The following CCDC91 variants were observed in gnomAD, a reference collection of about 807,000 sequenced individuals.
CCDC91 encodes coiled-coil domain containing 91.
Under a neutral mutation model 63.2 loss-of-function variants are expected in CCDC91, and 48 were observed. That is an observed-to-expected ratio of 0.76 (90% CI 0.60 to 0.97). The LOEUF is 0.97. Among genes scored for constraint, CCDC91 ranks in the 50% least tolerant of loss-of-function variants. The pLI, the probability that CCDC91 is intolerant of heterozygous loss-of-function variation, is 0.00. For synonymous variants in CCDC91, 167 were observed against 165.8 expected, an observed-to-expected ratio of 1.01 and a Z score of -0.06; for missense variants, 500 against 494.6, an observed-to-expected ratio of 1.01 and a Z score of -0.10.
intron 3 of CCDC91, among the ~76,000 whole-genome samples, chr12:28,281,643 T>A (rs1948614884): frequency 1.3e-5 from 2 of 152,220 alleles, no homozygotes; most frequent in Admixed American, 6.5e-5. Flanking sequence ...TATGTTTCTC[T>A]GAATCTATTT....
At position 28,267,837 on chromosome 12, in the gene CCDC91, A is replaced by AC. The variant is rs1565700114; in HGVS notation, c.109+8395_109+8396insC. ...ATAATTATATTATTAATATATAATT[A>AC]TATATAATTATATAGTAATATATAA... On this transcript the variant is annotated intron_variant, in intron 3 of 12. Transcript: ENST00000536442. 9.3e-4 allele frequency among the ~76,000 whole-genome samples: 17 copies of AC among 18,374 alleles called. 1 individual carries two copies. Among genetic ancestry groups the AC allele is most frequent in the African/African-American group, 2.2e-3 (16 of 7,312 alleles). The allele number at this position is 18,374 out of a possible 152,430, so 12.1% of individuals were successfully genotyped here. A position where few individuals can be genotyped will look rare whatever the true frequency, so the allele number is the denominator to read the frequency against.
intron 8 of CCDC91, among the ~76,000 whole-genome samples, chr12:28,406,591 A>C (rs1946960810): frequency 6.6e-6 from 1 of 151,950 alleles, no homozygotes; most frequent in Non-Finnish European, 1.5e-5. Flanking sequence ...TATTTTCCTG[A>C]TATGTTTCTA....
chr12:28,402,763 A>C (rs559618055), intron 8 of CCDC91, among the ~76,000 whole-genome samples: 1 of 152,260 alleles, frequency 6.6e-6, no homozygotes, highest in South Asian at 2.1e-4. Flanking sequence ...ACCATTAAAT[A>C]TGATCTTGGC....
At chr12:28,433,815 A>G (rs756859828) in intron 8 of CCDC91, among the ~76,000 whole-genome samples, 16 of 151,958 alleles carry the variant, frequency 1.1e-4, no homozygotes, top group Non-Finnish European at 1.9e-4. Context: ...TCTTGACAAT[A>G]TTGGATCTTC....
In CCDC91 at chr12:28,362,674, T is replaced by G. The variant is rs76175067; in HGVS notation, c.654+159T>G. On this transcript the variant is annotated intron_variant, in intron 7 of 12. Coordinates refer to ENST00000536442, the MANE Select transcript of CCDC91 (RefSeq NM_018318.5). ...CAACAAATATCCATTGAAAGCATAC[T>G]CAGTGGATTACAAAGGTAATATTAG... 6.0e-3 allele frequency among the ~76,000 whole-genome samples: 914 copies of G among 152,326 alleles called. 10 individuals carry two copies. Among genetic ancestry groups the G allele is most frequent in the African/African-American group, 0.021 (878 of 41,582 alleles).
chr12:28,531,596 G>C (rs1158303609), intron 12 of CCDC91, among the ~76,000 whole-genome samples: 1 of 152,064 alleles, frequency 6.6e-6, no homozygotes, highest in African/African-American at 2.4e-5. Context: ...GCAGTTTCTT[G>C]TAATTGTTTT....
chr12:28,255,845 G>C (rs1206491285), intron 1 of CCDC91: 1 of 151,632 alleles, frequency 6.6e-6, no homozygotes, highest in Admixed American at 6.6e-5. Flanking sequence ...TTTTTTCTTT[G>C]ACAATTTTTT....
chr12:28,218,624 C>T (rs1943722703), intron 1 of CCDC91, among the ~76,000 whole-genome samples: 1 of 151,994 alleles, frequency 6.6e-6, no homozygotes. Flanking sequence ...TGGTCCCTGG[C>T]AACCACTGAT....
rs1481040250 is a variant in CCDC91 at position 28,304,608 on chromosome 12, A to G, written c.110-1041A>G. 2.5e-6 allele frequency: 3 copies of G among 1,187,626 alleles called. No individual in the cohort carries two copies. The African/African-American group carries it at 4.7e-5, about 19-fold the overall frequency. The allele number at this position is 1,187,626 out of a possible 1,614,324, so 73.6% of individuals were successfully genotyped here. A position where few individuals can be genotyped will look rare whatever the true frequency, so the allele number is the denominator to read the frequency against. ...TATTTTGTTTATATCTAATGGCCTT[A>G]TAAATGTCTTTCTTCAGGGAAACAT... On this transcript the variant is annotated intron_variant, in intron 3 of 12. Transcript: ENST00000536442.
intron 6 of CCDC91, among the ~76,000 whole-genome samples, chr12:28,354,978 G>A (rs1943427079): frequency 1.3e-5 from 2 of 152,020 alleles, no homozygotes; most frequent in Non-Finnish European, 2.9e-5. Context: ...TGCAAACTTT[G>A]CTCTTCCCTT....
At chr12:28,534,776 A>C (rs1040188917) in intron 12 of CCDC91, among the ~76,000 whole-genome samples, 1 of 152,156 alleles carries the variant, frequency 6.6e-6, no homozygotes, top group Non-Finnish European at 1.5e-5. Flanking sequence ...ATTTGAGAAA[A>C]ACTACTGCAG....
At chr12:28,416,249 C>T (rs1453420081) in intron 8 of CCDC91, among the ~76,000 whole-genome samples, 1 of 152,102 alleles carries the variant, frequency 6.6e-6, no homozygotes, top group African/African-American at 2.4e-5. Flanking sequence ...TGTTGCTGCA[C>T]TAGCTTAGCA....
intron 3 of CCDC91, among the ~76,000 whole-genome samples, chr12:28,270,003 T>A (rs569708716): frequency 4.6e-5 from 7 of 152,180 alleles, no homozygotes; most frequent in African/African-American, 1.7e-4. Flanking sequence ...AAAGCATTGC[T>A]GAGGTGATAA....
chr12:28,508,756 G>A (rs10843192), intron 12 of CCDC91, among the ~76,000 whole-genome samples: 49,223 of 151,618 alleles, frequency 0.32, 8,576 homozygotes, highest in African/African-American at 0.41. Flanking sequence ...AGTTTGCAAG[G>A]GTGAGAAGCA....
intron 6 of CCDC91, among the ~76,000 whole-genome samples, chr12:28,338,853 T>C (rs1942203330): frequency 6.6e-6 from 1 of 152,104 alleles, no homozygotes; most frequent in Non-Finnish European, 1.5e-5. Flanking sequence ...TTTCTTTCTT[T>C]TTTTTGAGAC....
intron 12 of CCDC91, among the ~76,000 whole-genome samples, chr12:28,502,410 G>C (rs61922541): frequency 0.21 from 31,130 of 150,752 alleles, 4,242 homozygotes; most frequent in Non-Finnish European, 0.31. Flanking sequence ...GAACTACAAA[G>C]CACTGCTCAA....
At chr12:28,396,062 G>A (rs1409684693) in intron 8 of CCDC91, among the ~76,000 whole-genome samples, 1 of 152,034 alleles carries the variant, frequency 6.6e-6, no homozygotes, top group Non-Finnish European at 1.5e-5. Context: ...AAGTTAGGAT[G>A]GAATAAATAG....
chr12:28,256,744 C>T (rs1321016784), intron 1 of CCDC91: 1 of 153,710 alleles, frequency 6.5e-6, no homozygotes, highest in African/African-American at 2.4e-5. Context: ...AAATGCTGAT[C>T]AATTTTGAAA....
At chr12:28,409,471 G>T (rs1565928096) in intron 8 of CCDC91, among the ~76,000 whole-genome samples, 1 of 151,948 alleles carries the variant, frequency 6.6e-6, no homozygotes, top group Admixed American at 6.6e-5. Flanking sequence ...GTTTATTAGA[G>T]ATTTATCAAT....
Sources: gnomAD v4.1 joint callset for allele counts (sites outside exome capture counted in the v4.1 genomes callset) on GRCh38, gnomAD v4.1.1 for gene constraint, MANE v1.5 for transcripts, NCBI Gene and HGNC (gene_info 2026-07-23, HGNC 2026-07-21) for gene names.